The following DAPK1 variants were observed in gnomAD, a reference collection of about 807,000 sequenced individuals.
DAPK1 encodes death-associated protein kinase 1.
Under a neutral mutation model 144.9 loss-of-function variants are expected in DAPK1, and 56 were observed. The ratio of observed to expected loss-of-function variants is 0.39; its 90% CI spans 0.31 to 0.48. The LOEUF (loss-of-function observed/expected upper bound fraction) is 0.48. Ranked by LOEUF, DAPK1 falls within the 20% of genes least tolerant of loss-of-function variation. The pLI, the probability that DAPK1 is intolerant of heterozygous loss-of-function variation, is 0.95. For missense variants in DAPK1, 1,454 were observed against 1,875.4 expected (o/e 0.78, Z 4.15); for synonymous variants, 690 against 749.0 (o/e 0.92, Z 1.29).
intron 2 of DAPK1, among the ~76,000 whole-genome samples, chr9:87,544,802 C>T (rs934073268): frequency 2.0e-5 from 3 of 152,102 alleles, no homozygotes; most frequent in African/African-American, 7.2e-5. Context: ...GCTAATTTTC[C>T]TACGAGTACC....
At chr9:87,641,898 C>CA in intron 9 of DAPK1, 71 bp from the exon 10 acceptor site, 1 of 1,279,606 alleles carries the variant, frequency 7.8e-7, no homozygotes. Flanking sequence ...GGAGATGTTT[C>CA]AAAAAATTGT....
At position 87,666,477 on chromosome 9, in the gene DAPK1, GTT is replaced by G. The variant is rs71354777; in HGVS notation, c.1924-2107_1924-2106del. Among the ~76,000 whole-genome samples, 388 of 139,978 alleles carry G rather than the reference GTT, an allele frequency of 2.8e-3. 1 individual carries two copies. The highest frequency in any genetic ancestry group is 9.5e-3 in the African/African-American group (365 of 38,370). The allele number at this position is 139,978 out of a possible 152,430, so 91.8% of individuals were successfully genotyped here. A position where few individuals can be genotyped will look rare whatever the true frequency, so the allele number is the denominator to read the frequency against. On this transcript the variant is annotated intron_variant, in intron 18 of 25. Transcript: ENST00000408954. Reference sequence around the variant, plus strand: ...TATATATATATATGTTTTTGTTTTTGTTTTTTTTTTTTTTGAGATGGAGTCTC... The same window carrying G: ...TATATATATATATGTTTTTGTTTTTGTTTTTTTTTTTTGAGATGGAGTCTC...
chr9:87,578,042 G>T (rs1222538093), intron 2 of DAPK1, among the ~76,000 whole-genome samples: 1 of 152,060 alleles, frequency 6.6e-6, no homozygotes, highest in Non-Finnish European at 1.5e-5. Flanking sequence ...CTCATTTGCT[G>T]GTGCTCTGAT....
chr9:87,531,568 C>T (rs915717178), intron 2 of DAPK1, among the ~76,000 whole-genome samples: 1 of 152,062 alleles, frequency 6.6e-6, no homozygotes, highest in African/African-American at 2.4e-5. Flanking sequence ...GCAATATTGA[C>T]CTGAGGATGA....
chr9:87,666,488 T>C (rs1831058857), intron 18 of DAPK1, among the ~76,000 whole-genome samples: 1 of 151,248 alleles, frequency 6.6e-6, no homozygotes, highest in African/African-American at 2.4e-5. Context: ...TTTTTTTTTT[T>C]TTTGAGATGG....
intron 2 of DAPK1, among the ~76,000 whole-genome samples, chr9:87,575,230 A>G (rs1365351632): frequency 2.7e-5 from 2 of 74,592 alleles, no homozygotes; most frequent in African/African-American, 5.5e-5. Context: ...ATAAAATAAA[A>G]TAAAATAAAA....
chr9:87,618,958 G>T (rs10780864), intron 3 of DAPK1, among the ~76,000 whole-genome samples: 44,802 of 151,992 alleles, frequency 0.29, 8,131 homozygotes, highest in African/African-American at 0.51. Flanking sequence ...CCTCCTGCCC[G>T]CTGAATGAGG....
rs1328906867 is a variant in DAPK1 at position 87,648,589 on chromosome 9, C to T, written c.1330-192C>T. 7 of 578,446 alleles carry T rather than the reference C, an allele frequency of 1.2e-5. No individual in the cohort carries two copies. In the Middle Eastern group the frequency reaches 1.3e-3, roughly 109 times the overall value. 35.8% of individuals were successfully genotyped at this position (578,446 alleles called of 1,614,324 possible). On this transcript the variant is annotated intron_variant, in intron 14 of 25. Coordinates refer to ENST00000408954, the MANE Select transcript of DAPK1 (RefSeq NM_004938.4). The stretch of plus-strand genomic sequence containing the variant: ...ATGAGCCAAGTATGTGGGCTTAATA[C>T]TCACTGTGTGGTGGACACCCCAACC...
rs535116541 is a variant in DAPK1, at chr9:87,640,969, A to C, written c.828+122A>C. The C allele has an allele frequency of 8.5e-6, 8 of 942,118 alleles. No individual in the cohort carries two copies. The South Asian group carries it at 1.1e-4, about 13-fold the overall frequency. The allele number at this position is 942,118 out of a possible 1,614,324, so 58.4% of individuals were successfully genotyped here. ...TCACACCTGGAGTGTTAAGTTTGCT[A>C]TTTGCATCGTATCTTAAGAAAAGCT... On this transcript the variant is annotated intron_variant, in intron 9 of 25. Coordinates refer to ENST00000408954, the MANE Select transcript of DAPK1 (RefSeq NM_004938.4).
intron 10 of DAPK1, among the ~76,000 whole-genome samples, chr9:87,642,343 T>A (rs2119141538): frequency 6.6e-6 from 1 of 152,340 alleles, no homozygotes; most frequent in Non-Finnish European, 1.5e-5. Context: ...TAGTGAAATT[T>A]TTTTCTAATA....
At chr9:87,513,160 C>T (rs1003537352) in intron 2 of DAPK1, among the ~76,000 whole-genome samples, 3 of 152,144 alleles carry the variant, frequency 2.0e-5, no homozygotes, top group African/African-American at 7.2e-5. Flanking sequence ...GGCTGTTAAA[C>T]GAAACTGTCA....
intron 2 of DAPK1, among the ~76,000 whole-genome samples, chr9:87,574,324 C>T (rs929532459): frequency 1.3e-5 from 2 of 152,190 alleles, no homozygotes; most frequent in Non-Finnish European, 2.9e-5. Context: ...ACCCAAGACA[C>T]AGTGAAGATC....
rs777495186 is a variant in DAPK1 at position 87,706,823 on chromosome 9, T to C, written c.3752T>C (p.Ile1251Thr). Residue 1251 changes from isoleucine (I) to threonine (T), a missense_variant, in exon 26 of 26, where the codon ATC (isoleucine) becomes ACC (threonine). Around this residue, in one of 2 missense-constraint regions of DAPK1, gnomAD observed 1,025 missense variants for 1,237.9 expected, o/e 0.83. Transcript: ENST00000408954. This position sits in a 1 kb window ranked among gnomAD's most constrained non-coding sequence, Gnocchi z 9.0. ...CGGGAGCACCATGAGCCCGTCATGA[T>C]CTACCAGCCACGGGACTTCTTCCGG... ...QLREHHEPVM[I>T]YQPRDFFRAQ... 2 of 1,613,786 alleles carry C rather than the reference T, an allele frequency of 1.2e-6. No homozygotes were observed. The highest frequency in any genetic ancestry group is 1.1e-5 in the South Asian group (1 of 91,072).
chr9:87,629,919 T>C (rs1206813397), intron 3 of DAPK1, among the ~76,000 whole-genome samples: 1 of 152,150 alleles, frequency 6.6e-6, no homozygotes, highest in Non-Finnish European at 1.5e-5. Context: ...GGACACTTGC[T>C]CTGGAGCCCT....
Position 87,707,534 on chromosome 9 carries a change from C to T in DAPK1, c.*170C>T, listed in dbSNP as rs544298485. 3 of 598,906 alleles carry T rather than the reference C, an allele frequency of 5.0e-6. No homozygotes were observed. The highest frequency in any genetic ancestry group is 4.1e-5 in the South Asian group (2 of 49,084). 37.1% of individuals were successfully genotyped at this position (598,906 alleles called of 1,614,324 possible). A position where few individuals can be genotyped will look rare whatever the true frequency, so the allele number is the denominator to read the frequency against. On this transcript the variant is annotated 3_prime_UTR_variant, in exon 26 of 26. Transcript: ENST00000408954. The surrounding 1 kb of genome is among the most constrained non-coding windows in gnomAD (Gnocchi z 4.0). The stretch of plus-strand genomic sequence containing the variant: ...GTTTCTCTGCCGCTACCTCCCTCCC[C>T]GTCTCATTCCGTTGTCTGTGGATGG...
chr9:87,579,001 T>C (rs1229223122), intron 2 of DAPK1, among the ~76,000 whole-genome samples: 1 of 152,234 alleles, frequency 6.6e-6, no homozygotes, highest in Admixed American at 6.5e-5. Flanking sequence ...GTGTGGCATT[T>C]AGGATGACAC....
At chr9:87,503,215 A>AAT (rs139127968) in intron 2 of DAPK1, among the ~76,000 whole-genome samples, 9 of 151,796 alleles carry the variant, frequency 5.9e-5, no homozygotes, top group East Asian at 3.9e-4. Flanking sequence ...ATGTGTCTAA[A>AAT]ATATATATAT....
rs371934665 is a variant in DAPK1, at chr9:87,583,181, G to T, written c.63-21773G>T. 2.6e-5 allele frequency among the ~76,000 whole-genome samples: 4 copies of T among 152,230 alleles called. No individual in the cohort carries two copies. The East Asian group carries it at 7.7e-4, about 29-fold the overall frequency. ...TGTAATTCACAGCCAGGATAGGGAA[G>T]AATAATATTTCATTATTACAGATTC... On this transcript the variant is annotated intron_variant, in intron 2 of 25. Coordinates refer to ENST00000408954, the MANE Select transcript of DAPK1 (RefSeq NM_004938.4).
chr9:87,643,222 C>G (rs1478606403), intron 10 of DAPK1, among the ~76,000 whole-genome samples, 154 bp from the exon 11 acceptor site: 1 of 152,090 alleles, frequency 6.6e-6, no homozygotes, highest in Non-Finnish European at 1.5e-5. Flanking sequence ...ATTGCCCACC[C>G]TGGGAGAGTG....
Sources: gnomAD v4.1 joint callset for allele counts (sites outside exome capture counted in the v4.1 genomes callset) on GRCh38, gnomAD v4.1.1 for gene constraint, gnomAD v4.1.1 regional missense constraint, Gnocchi (gnomAD v3.1) non-coding constraint, MANE v1.5 for transcripts, NCBI Gene and HGNC (gene_info 2026-07-23, HGNC 2026-07-21) for gene names.